CHD6: variants seen among roughly 807,000 people sequenced by gnomAD.
CHD6 encodes the protein chromodomain helicase DNA binding protein 6, also known as ATP-dependent chromatin remodeler CHD6.
A neutral mutation model predicts 276.9 loss-of-function variants in CHD6; 50 were observed. The ratio of observed to expected loss-of-function variants is 0.18; its 90% CI spans 0.14 to 0.23. The LOEUF is 0.23. Among genes scored for constraint, CHD6 ranks in the 10% least tolerant of loss-of-function variants. CHD6 has a pLI of 1.00. For synonymous variants in CHD6, 1,173 were observed against 1,229.3 expected (o/e 0.95, Z 0.96); for missense variants, 2,564 against 3,365.8 (o/e 0.76, Z 5.89).
intron 17 of CHD6, among the ~76,000 whole-genome samples, chr20:41,457,657 C>T (rs1353685995): frequency 6.6e-6 from 1 of 152,212 alleles, no homozygotes; most frequent in Non-Finnish European, 1.5e-5. Flanking sequence ...AGGGATAAAG[C>T]AATGAGAAGG....
At chr20:41,564,058 T>A (rs781618306) in intron 1 of CHD6, 1 of 779,574 alleles carries the variant, frequency 1.3e-6, no homozygotes, top group Non-Finnish European at 2.4e-6. Flanking sequence ...ACAAGCGTTG[T>A]GGGATTTGGG....
At chr20:41,512,777 A>T (rs1208356277) in intron 5 of CHD6, 69 bp downstream of exon 5, 1 of 1,574,854 alleles carries the variant, frequency 6.3e-7, no homozygotes, top group Non-Finnish European at 8.7e-7. Context: ...AAAGGCCAAG[A>T]AACACGTCTG....
Position 41,498,275 on chromosome 20 carries a change from C to T in CHD6, c.916-49G>A, listed in dbSNP as rs752710794. 35 of 1,307,026 alleles carry T rather than the reference C, an allele frequency of 2.7e-5. No homozygotes were observed. In the Admixed American group the frequency reaches 6.0e-4, roughly 22 times the overall value. The allele number at this position is 1,307,026 out of a possible 1,614,324, so 81.0% of individuals were successfully genotyped here. On this transcript the variant is annotated intron_variant, in intron 6 of 36. Coordinates refer to ENST00000373233, the MANE Select transcript of CHD6 (RefSeq NM_032221.5). ...TCAGCCCAGATCCCAGGCAGATCAC[C>T]CTTACTGAGCCAAAAGAAAACAGGT... is the stretch of plus-strand genomic sequence containing the variant.
intron 3 of CHD6, among the ~76,000 whole-genome samples, chr20:41,516,194 C>CGCGCTGTTG (rs2044246971): frequency 1.3e-5 from 2 of 151,754 alleles, no homozygotes; most frequent in Non-Finnish European, 2.9e-5. Context: ...GACGGAGTCT[C>CGCGCTGTTG]GCGCTGTTGC....
intron 1 of CHD6, among the ~76,000 whole-genome samples, chr20:41,608,896 G>C (rs1475870294): frequency 1.3e-5 from 2 of 152,190 alleles, no homozygotes; most frequent in Non-Finnish European, 2.9e-5. Flanking sequence ...CACAGGGAGA[G>C]CTCTGCTACA....
At chr20:41,439,417 T>A (rs2047829031) in intron 26 of CHD6, among the ~76,000 whole-genome samples, 1 of 152,218 alleles carries the variant, frequency 6.6e-6, no homozygotes, top group Admixed American at 6.5e-5. Context: ...CTACAATTTT[T>A]AGCTGTTTAG....
At chr20:41,451,204 G>T in intron 22 of CHD6, 99 bp from the exon 23 acceptor site, 1 of 1,080,820 alleles carries the variant, frequency 9.3e-7, no homozygotes, top group Non-Finnish European at 1.4e-6. Context: ...AACAGAGTTG[G>T]GCTGTGCTCT....
At chr20:41,533,625 A>G in intron 2 of CHD6, 55 bp from the exon 3 acceptor site, 1 of 1,461,940 alleles carries the variant, frequency 6.8e-7, no homozygotes, top group Non-Finnish European at 9.2e-7. Flanking sequence ...CTTCAGACAA[A>G]GAGAGTTACC....
At chr20:41,489,655 A>C in intron 12 of CHD6, 123 bp downstream of exon 12, 1 of 1,278,770 alleles carries the variant, frequency 7.8e-7, no homozygotes, top group Non-Finnish European at 1.1e-6. Context: ...CTTGACAAAC[A>C]TATTACAAAG....
At chr20:41,523,517 C>T (rs2044453895) in intron 3 of CHD6, among the ~76,000 whole-genome samples, 1 of 152,196 alleles carries the variant, frequency 6.6e-6, no homozygotes, top group Non-Finnish European at 1.5e-5. Flanking sequence ...TTATATCATA[C>T]ATGTAGGACA....
intron 11 of CHD6, among the ~76,000 whole-genome samples, chr20:41,490,369 T>C (rs2043520265): frequency 6.6e-6 from 1 of 152,226 alleles, no homozygotes; most frequent in Non-Finnish European, 1.5e-5. Flanking sequence ...ATGTGGTATA[T>C]AGCCTATGGC....
intron 2 of CHD6, among the ~76,000 whole-genome samples, chr20:41,544,646 C>T (rs565529382): frequency 5.3e-5 from 8 of 150,448 alleles, no homozygotes; most frequent in Non-Finnish European, 1.2e-4. Context: ...TATAATTAAT[C>T]ATACTATAAA....
intron 1 of CHD6, among the ~76,000 whole-genome samples, chr20:41,586,357 C>A (rs544745313): frequency 3.9e-5 from 6 of 152,232 alleles, no homozygotes; most frequent in African/African-American, 1.4e-4. Flanking sequence ...CACTCCTGAT[C>A]GGGCTAGAGG....
intron 17 of CHD6, among the ~76,000 whole-genome samples, chr20:41,467,539 T>C: frequency 1.2e-5 from 1 of 83,932 alleles, no homozygotes; most frequent in Non-Finnish European, 2.2e-5. Context: ...CAAAGAGAAA[T>C]GAATAACGAC....
At position 41,417,394 on chromosome 20, in the gene CHD6, T is replaced by C. The variant is rs1325431729; in HGVS notation, c.6128-45A>G. On this transcript the variant is annotated intron_variant, in intron 31 of 36. Coordinates refer to ENST00000373233, the MANE Select transcript of CHD6 (RefSeq NM_032221.5). ...TTAATCAGGCACTTAACTATAGTAG[T>C]GAGATACTAGTGATCTGAGAGATTA... 1.9e-6 allele frequency: 3 copies of C among 1,543,554 alleles called. No individual in the cohort carries two copies. In the Admixed American group the frequency reaches 5.5e-5, roughly 28 times the overall value.
chr20:41,500,528 C>T (rs1309131018), intron 5 of CHD6, among the ~76,000 whole-genome samples: 3 of 152,100 alleles, frequency 2.0e-5, no homozygotes, highest in Non-Finnish European at 2.9e-5. Context: ...AAACCACACA[C>T]GTCCCTTCTC....
At chr20:41,455,474 C>T (rs1600900834) in intron 19 of CHD6, among the ~76,000 whole-genome samples, 1 of 152,184 alleles carries the variant, frequency 6.6e-6, no homozygotes, top group Non-Finnish European at 1.5e-5. Flanking sequence ...TCAAGAAGTG[C>T]TCTACAAGGG....
intron 16 of CHD6, among the ~76,000 whole-genome samples, chr20:41,477,747 T>C (rs1382801416): frequency 6.6e-6 from 1 of 152,160 alleles, no homozygotes; most frequent in African/African-American, 2.4e-5. Flanking sequence ...CCTAATTTAA[T>C]AGTGCAGAAC....
chr20:41,594,934 C>G (rs1367821483), intron 1 of CHD6, among the ~76,000 whole-genome samples: 1 of 152,246 alleles, frequency 6.6e-6, no homozygotes, highest in Non-Finnish European at 1.5e-5. Flanking sequence ...AGGTAGCACC[C>G]TTCTGCAGAA....
Sources: gnomAD v4.1 joint callset for allele counts (sites outside exome capture counted in the v4.1 genomes callset) on GRCh38, gnomAD v4.1.1 for gene constraint, MANE v1.5 for transcripts, NCBI Gene and HGNC (gene_info 2026-07-23, HGNC 2026-07-21) for gene names.